The following OTUD1 variants were observed in gnomAD, a reference collection of about 807,000 sequenced individuals.
OTUD1 encodes OTU deubiquitinase 1.
In OTUD1, 15 loss-of-function variants were observed where a neutral mutation model predicts 30.0. The observed-to-expected ratio is 0.50, with a 90% CI of 0.33 to 0.77. The LOEUF (loss-of-function observed/expected upper bound fraction) is 0.77. OTUD1 is among the 30% of genes least tolerant of loss of function. The pLI is 0.02. For synonymous variants in OTUD1, 381 were observed against 326.3 expected (o/e 1.17, Z -1.81); for missense variants, 796 against 697.8 (o/e 1.14, Z -1.59).
rs1847133390 is a variant in OTUD1 at position 23,441,937 on chromosome 10, A to G, written c.*1034A>G. The G allele has an allele frequency of 6.0e-6, 1 of 167,030 alleles. No homozygotes were observed. Among genetic ancestry groups the G allele is most frequent in the Non-Finnish European group, 1.5e-5 (1 of 68,134 alleles). 10.3% of individuals were successfully genotyped at this position (167,030 alleles called of 1,614,324 possible). On this transcript the variant is annotated 3_prime_UTR_variant, in exon 1 of 1. Transcript: ENST00000376495. ...AAAAGGCAAAATAGGATTGCCCTGTATTGATGTAGAAATGTCTGTAAACAG... is the reference window on the plus strand; with the variant it reads ...AAAAGGCAAAATAGGATTGCCCTGTGTTGATGTAGAAATGTCTGTAAACAG...
Position 23,439,608 on chromosome 10 carries a change from G to C in OTUD1, c.151G>C (p.Gly51Arg). ...AAGAAPEPET[G>R]ECQPAAAAEH... is the part of the protein sequence containing the mutation. Reference sequence around the variant, plus strand: ...CGGCGCCGCGCCCGAGCCCGAGACCGGTGAGTGCCAGCCCGCCGCGGCCGC... The same window carrying C: ...CGGCGCCGCGCCCGAGCCCGAGACCCGTGAGTGCCAGCCCGCCGCGGCCGC... The change falls in exon 1 of 1, where the codon GGT (glycine) becomes CGT (arginine). Residue 51 changes from glycine (G) to arginine (R), a missense_variant. Gly to Arg is a moderately radical substitution (Grantham distance 125, BLOSUM62 -2). Coordinates refer to ENST00000376495, the MANE Select transcript of OTUD1 (RefSeq NM_001145373.3). 7.4e-7 allele frequency: 1 copy of C among 1,360,028 alleles called. No individual in the cohort carries two copies. The highest frequency in any genetic ancestry group is 9.5e-7 in the Non-Finnish European group (1 of 1,051,546). The allele number at this position is 1,360,028 out of a possible 1,614,324, so 84.2% of individuals were successfully genotyped here. A position where few individuals can be genotyped will look rare whatever the true frequency, so the allele number is the denominator to read the frequency against.
chr10:23,439,110 C>T lies in OTUD1; in HGVS notation c.-348C>T, dbSNP rs1182774362. Among the ~76,000 whole-genome samples, 1 of 150,746 alleles carries T rather than the reference C, an allele frequency of 6.6e-6. No homozygotes were observed. The highest frequency in any genetic ancestry group is 1.5e-5 in the Non-Finnish European group (1 of 67,504). On this transcript the variant is annotated 5_prime_UTR_variant, in exon 1 of 1. In the 5' UTR this introduces an upstream ATG that the reference lacks. Transcript: ENST00000376495. The stretch of plus-strand genomic sequence containing the variant: ...ACCGCGCTCCTCCTCGCCGGCGGGA[C>T]GCGCTCCAACGGGGCGGGCGGCTTC...
At position 23,439,244 on chromosome 10, in the gene OTUD1, C is replaced by T. The variant is rs1309258128; in HGVS notation, c.-214C>T. 2.6e-5 allele frequency among the ~76,000 whole-genome samples: 4 copies of T among 151,416 alleles called. No individual in the cohort carries two copies. The highest frequency in any genetic ancestry group is 4.4e-5 in the Non-Finnish European group (3 of 67,786). The stretch of plus-strand genomic sequence containing the variant: ...CAGGGGTCGAGCTCGCGTCCCGTCC[C>T]CGCCCCCCTGCGCTGTGGCGCAGCA... On this transcript the variant is annotated 5_prime_UTR_variant, in exon 1 of 1. Coordinates refer to ENST00000376495, the MANE Select transcript of OTUD1 (RefSeq NM_001145373.3).
chr10:23,439,668 A>C lies in OTUD1; in HGVS notation c.211A>C (p.Lys71Gln). ...HREAAAVPAAKMPAFSSCFEV... is the reference protein window; with the variant it reads ...HREAAAVPAAQMPAFSSCFEV... ...GGAAGCCGCCGCTGTCCCCGCCGCC[A>C]AGATGCCCGCCTTCTCCTCCTGCTT... is the stretch of plus-strand genomic sequence containing the variant. The change falls in exon 1 of 1, where the codon AAG becomes CAG. Residue 71 changes from lysine to glutamine, a missense_variant. Lys to Gln is a moderately conservative substitution (Grantham distance 53). Transcript: ENST00000376495. 1.5e-6 allele frequency: 2 copies of C among 1,293,426 alleles called. No individual in the cohort carries two copies. The highest frequency in any genetic ancestry group is 2.0e-6 in the Non-Finnish European group (2 of 1,014,054). 80.1% of individuals were successfully genotyped at this position (1,293,426 alleles called of 1,614,324 possible). A position where few individuals can be genotyped will look rare whatever the true frequency, so the allele number is the denominator to read the frequency against.
At position 23,440,979 on chromosome 10, in the gene OTUD1, A is replaced by T. The variant is rs1847121769; in HGVS notation, c.*76A>T. 14 of 1,420,200 alleles carry T rather than the reference A, an allele frequency of 9.9e-6. No individual in the cohort carries two copies. The highest frequency in any genetic ancestry group is 1.9e-4 in the Middle Eastern group (1 of 5,362). 88.0% of individuals were successfully genotyped at this position (1,420,200 alleles called of 1,614,324 possible). On this transcript the variant is annotated 3_prime_UTR_variant, in exon 1 of 1. Coordinates refer to ENST00000376495, the MANE Select transcript of OTUD1 (RefSeq NM_001145373.3). ...TTGGAGAATCACATGAACTTTAATCAGGGTAATAGCACTTTCAAACTTGCT... is the reference window on the plus strand; with the variant it reads ...TTGGAGAATCACATGAACTTTAATCTGGGTAATAGCACTTTCAAACTTGCT...
At position 23,439,573 on chromosome 10, in the gene OTUD1, C is replaced by G. The variant is rs1303837250; in HGVS notation, c.116C>G (p.Pro39Arg). ...ATPFKVSLQPPGAAGAAPEPE... is the reference protein window; with the variant it reads ...ATPFKVSLQPRGAAGAAPEPE... ...CCCTTCAAGGTCTCGCTGCAGCCCC[C>G]GGGAGCCGCCGGCGCCGCGCCCGAG... Residue 39 changes from proline to arginine, a missense_variant, in exon 1 of 1, where the codon CCG (proline) becomes CGG (arginine). Coordinates refer to ENST00000376495, the MANE Select transcript of OTUD1 (RefSeq NM_001145373.3). 4 of 1,373,216 alleles carry G rather than the reference C, an allele frequency of 2.9e-6. No individual in the cohort carries two copies. The highest frequency in any genetic ancestry group is 3.1e-5 in the South Asian group (2 of 65,528). The allele number at this position is 1,373,216 out of a possible 1,614,324, so 85.1% of individuals were successfully genotyped here.
rs1402345693 is a variant in OTUD1 at position 23,441,721 on chromosome 10, A to G, written c.*818A>G. 1.2e-5 allele frequency: 2 copies of G among 166,914 alleles called. No individual in the cohort carries two copies. Among genetic ancestry groups the G allele is most frequent in the South Asian group, 2.1e-4 (1 of 4,824 alleles). 10.3% of individuals were successfully genotyped at this position (166,914 alleles called of 1,614,324 possible). A position where few individuals can be genotyped will look rare whatever the true frequency, so the allele number is the denominator to read the frequency against. ...TTGTCTGGTGCTCTCAGTTGTTTTT[A>G]TTTACATTTGTCACGTTGTTGTAAG... On this transcript the variant is annotated 3_prime_UTR_variant, in exon 1 of 1. Transcript: ENST00000376495.
chr10:23,439,579 C>G lies in OTUD1; in HGVS notation c.122C>G (p.Ala41Gly). ...AAGGTCTCGCTGCAGCCCCCGGGAG[C>G]CGCCGGCGCCGCGCCCGAGCCCGAG... ...PFKVSLQPPG[A>G]AGAAPEPETG... Residue 41 changes from alanine (A) to glycine (G), a missense_variant, in exon 1 of 1, where the codon GCC becomes GGC. Physicochemically the swap from Ala to Gly is moderately conservative, Grantham distance 60. Transcript: ENST00000376495. 1.5e-6 allele frequency: 2 copies of G among 1,369,404 alleles called. No homozygotes were observed. Among genetic ancestry groups the G allele is most frequent in the South Asian group, 1.5e-5 (1 of 65,222 alleles). 84.8% of individuals were successfully genotyped at this position (1,369,404 alleles called of 1,614,324 possible). A position where few individuals can be genotyped will look rare whatever the true frequency, so the allele number is the denominator to read the frequency against.
chr10:23,441,037 C>G lies in OTUD1; in HGVS notation c.*134C>G. On this transcript the variant is annotated 3_prime_UTR_variant, in exon 1 of 1. Transcript: ENST00000376495. Reference sequence around the variant, plus strand: ...TTTACTGTAGGTGTAATGCCTTAATCATCTTTTTGAATGTTTTCTCAGAGC... The same window carrying G: ...TTTACTGTAGGTGTAATGCCTTAATGATCTTTTTGAATGTTTTCTCAGAGC... The G allele has an allele frequency of 1.0e-6, 1 of 967,334 alleles. No individual in the cohort carries two copies. Among genetic ancestry groups the G allele is most frequent in the Non-Finnish European group, 1.5e-6 (1 of 661,572 alleles). The allele number at this position is 967,334 out of a possible 1,614,324, so 59.9% of individuals were successfully genotyped here.
rs769458955 is a variant in OTUD1 at position 23,440,828 on chromosome 10, A to G, written c.1371A>G (p.Lys457=). 6.4e-7 allele frequency: 1 copy of G among 1,552,142 alleles called. No individual in the cohort carries two copies. Among genetic ancestry groups the G allele is most frequent in the South Asian group, 1.2e-5 (1 of 84,062 alleles). ...NWCKQTQVQR[K]RDEELAKSMA... is the part of the protein sequence containing the mutation. ...GCAAACAAACTCAAGTGCAAAGGAA[A>G]CGCGACGAAGAACTTGCCAAATCTA... The change falls in exon 1 of 1, where the codon AAA becomes AAG. Residue 457 remains lysine, a synonymous_variant. Coordinates refer to ENST00000376495, the MANE Select transcript of OTUD1 (RefSeq NM_001145373.3).
Position 23,439,550 on chromosome 10 carries a change from C to A in OTUD1, c.93C>A (p.Pro31=). The change falls in exon 1 of 1, where the codon CCC becomes CCA. Residue 31 remains proline (P), a synonymous_variant. Coordinates refer to ENST00000376495, the MANE Select transcript of OTUD1 (RefSeq NM_001145373.3). ...AAPAPPAAAT[P]FKVSLQPPGA... Reference sequence around the variant, plus strand: ...CCGCGCCACCCGCCGCCGCTACCCCCTTCAAGGTCTCGCTGCAGCCCCCGG... The same window carrying A: ...CCGCGCCACCCGCCGCCGCTACCCCATTCAAGGTCTCGCTGCAGCCCCCGG... 1 of 1,388,742 alleles carries A rather than the reference C, an allele frequency of 7.2e-7. No individual in the cohort carries two copies. The allele number at this position is 1,388,742 out of a possible 1,614,324, so 86.0% of individuals were successfully genotyped here. A position where few individuals can be genotyped will look rare whatever the true frequency, so the allele number is the denominator to read the frequency against.
Position 23,440,701 on chromosome 10 carries a change from A to T in OTUD1, c.1244A>T (p.Glu415Val). ...ACCATGATTCATTATTTGGGCCCAG[A>T]GGATTCCCTGAGGCCTAGTATTTGG... ...VSTMIHYLGPEDSLRPSIWLS... is the reference protein window; with the variant it reads ...VSTMIHYLGPVDSLRPSIWLS... Residue 415 changes from glutamate to valine, a missense_variant, in exon 1 of 1, where the codon GAG (glutamate) becomes GTG (valine). By Grantham distance (121) the Glu-to-Val change is moderately radical. Coordinates refer to ENST00000376495, the MANE Select transcript of OTUD1 (RefSeq NM_001145373.3). The T allele has an allele frequency of 1.3e-6, 2 of 1,551,906 alleles. No individual in the cohort carries two copies. The highest frequency in any genetic ancestry group is 1.7e-6 in the Non-Finnish European group (2 of 1,147,036).
rs771274470 is a variant in OTUD1, at chr10:23,440,427, G to T, written c.970G>T (p.Ala324Ser). 1 of 1,551,746 alleles carries T rather than the reference G, an allele frequency of 6.4e-7. No homozygotes were observed. ...TCCAGACGGCAACTGCCTCTACCGAGCTGTCAGCAAGACGGTGTATGGGGA... is the reference window on the plus strand; with the variant it reads ...TCCAGACGGCAACTGCCTCTACCGATCTGTCAGCAAGACGGTGTATGGGGA... ...IIPDGNCLYR[A>S]VSKTVYGDQS... Residue 324 changes from alanine to serine, a missense_variant, in exon 1 of 1, where the codon GCT becomes TCT. By Grantham distance (99) the Ala-to-Ser change is moderately conservative. Transcript: ENST00000376495.
In OTUD1 at chr10:23,439,555, A is replaced by AGGTCTCGCTGCAGCCCCCGGG; in HGVS notation, c.99_119dup (p.Val34_Gly40dup). The AGGTCTCGCTGCAGCCCCCGGG allele has an allele frequency of 1.4e-6, 2 of 1,383,890 alleles. No individual in the cohort carries two copies. The highest frequency in any genetic ancestry group is 1.9e-6 in the Non-Finnish European group (2 of 1,065,840). 85.7% of individuals were successfully genotyped at this position (1,383,890 alleles called of 1,614,324 possible). Reference sequence around the variant, plus strand: ...CCACCCGCCGCCGCTACCCCCTTCAAGGTCTCGCTGCAGCCCCCGGGAGCC... The same window carrying AGGTCTCGCTGCAGCCCCCGGG: ...CCACCCGCCGCCGCTACCCCCTTCAAGGTCTCGCTGCAGCCCCCGGGGGTCTCGCTGCAGCCCCCGGGAGCC... On this transcript the variant is annotated inframe_insertion, in exon 1 of 1. Transcript: ENST00000376495.
In OTUD1 at chr10:23,439,972, T is replaced by C; in HGVS notation, c.515T>C (p.Leu172Pro). Residue 172 changes from leucine (L) to proline (P), a missense_variant, in exon 1 of 1, where the codon CTG becomes CCG. Leu to Pro is a moderately conservative substitution (Grantham distance 98). Transcript: ENST00000376495. ...TCGGCCTGGCTCCTGGAGGAGCTGC[T>C]GCGGCCCGACTGCCCCGAGCCCGCG... ...GSSAWLLEEL[L>P]RPDCPEPAGL... 3.8e-6 allele frequency: 5 copies of C among 1,304,196 alleles called. No individual in the cohort carries two copies. The highest frequency in any genetic ancestry group is 3.9e-6 in the Non-Finnish European group (4 of 1,031,512). The allele number at this position is 1,304,196 out of a possible 1,614,324, so 80.8% of individuals were successfully genotyped here.
rs1847107085 is a variant in OTUD1, at chr10:23,439,840, G to T, written c.383G>T (p.Gly128Val). The change falls in exon 1 of 1, where the codon GGG becomes GTG. Residue 128 changes from glycine (G) to valine (V), a missense_variant. Transcript: ENST00000376495. ...ALGADRLLLH[G>V]PDPVPGAAGS... Reference sequence around the variant, plus strand: ...GGCGCCGACAGGCTCCTGCTGCACGGGCCCGATCCCGTTCCCGGCGCCGCG... The same window carrying T: ...GGCGCCGACAGGCTCCTGCTGCACGTGCCCGATCCCGTTCCCGGCGCCGCG... 12 of 1,123,212 alleles carry T rather than the reference G, an allele frequency of 1.1e-5. No homozygotes were observed. The highest frequency in any genetic ancestry group is 1.1e-5 in the Non-Finnish European group (10 of 920,210). 69.6% of individuals were successfully genotyped at this position (1,123,212 alleles called of 1,614,324 possible).
In OTUD1 at chr10:23,441,696, TTGTC is replaced by T. The variant is rs1453724404; in HGVS notation, c.*796_*799del. On this transcript the variant is annotated 3_prime_UTR_variant, in exon 1 of 1. Transcript: ENST00000376495. ...TACCCTGGTTGATGTGTAGAGTAGA[TTGTC>T]TGGTGCTCTCAGTTGTTTTTATTTA... is the stretch of plus-strand genomic sequence containing the variant. 5 of 167,030 alleles carry T rather than the reference TTGTC, an allele frequency of 3.0e-5. No homozygotes were observed. The highest frequency in any genetic ancestry group is 5.9e-5 in the Non-Finnish European group (4 of 68,098). 10.3% of individuals were successfully genotyped at this position (167,030 alleles called of 1,614,324 possible).
At position 23,439,431 on chromosome 10, in the gene OTUD1, A is replaced by C. The variant is rs762237315; in HGVS notation, c.-27A>C. 3 of 1,259,890 alleles carry C rather than the reference A, an allele frequency of 2.4e-6. No individual in the cohort carries two copies. The highest frequency in any genetic ancestry group is 3.2e-5 in the African/African-American group (2 of 63,034). The allele number at this position is 1,259,890 out of a possible 1,614,324, so 78.0% of individuals were successfully genotyped here. ...CCCCGCTCCGGGGCTCGCCGCGCCT[A>C]TAAGGGGCCGAGCGGCGGGCAGGGA... is the stretch of plus-strand genomic sequence containing the variant. On this transcript the variant is annotated 5_prime_UTR_variant, in exon 1 of 1. Transcript: ENST00000376495.
Position 23,441,638 on chromosome 10 carries a change from C to G in OTUD1, c.*735C>G, listed in dbSNP as rs1193664841. ...TAGCAGGTCTTACTTGAATGAAAGT[C>G]TGATATTTGCTGATGGCAGAATGAT... On this transcript the variant is annotated 3_prime_UTR_variant, in exon 1 of 1. Transcript: ENST00000376495. 1 of 166,408 alleles carries G rather than the reference C, an allele frequency of 6.0e-6. No individual in the cohort carries two copies. 10.3% of individuals were successfully genotyped at this position (166,408 alleles called of 1,614,324 possible).
Sources: allele counts gnomAD v4.1 joint callset (sites outside exome capture counted in the v4.1 genomes callset), GRCh38; gene constraint gnomAD v4.1.1; transcripts MANE v1.5; gene names NCBI Gene and HGNC (gene_info 2026-07-23, HGNC 2026-07-21).